GLIS3: variants seen among roughly 807,000 people sequenced by gnomAD.
GLIS3 encodes zinc finger protein GLIS3.
Under a neutral mutation model 78.6 loss-of-function variants are expected in GLIS3, and 53 were observed. The observed-to-expected ratio is 0.67, with a 90% CI of 0.54 to 0.85. The LOEUF is 0.85. GLIS3 is among the 40% of genes least tolerant of loss of function. The pLI, the probability that GLIS3 is intolerant of heterozygous loss-of-function variation, is 0.00. For missense variants in GLIS3, 1,703 were observed against 1,231.1 expected (o/e 1.38, Z -5.74); for synonymous variants, 684 against 509.9 (o/e 1.34, Z -4.60).
intron 4 of GLIS3, among the ~76,000 whole-genome samples, chr9:4,308,343 G>C (rs529867440): frequency 2.0e-5 from 3 of 152,090 alleles, no homozygotes; most frequent in Non-Finnish European, 4.4e-5. Flanking sequence ...CCAGAGGAGA[G>C]GAGGTGAGAA....
At chr9:4,215,901 T>C (rs1368933238) in intron 2 of GLIS3, among the ~76,000 whole-genome samples, 5 of 152,136 alleles carry the variant, frequency 3.3e-5, no homozygotes, top group Non-Finnish European at 4.4e-5. Flanking sequence ...TCAAGCAATA[T>C]AGGGAAAGAC....
At chr9:4,126,019 A>T in intron 2 of GLIS3, 78 bp from the exon 3 acceptor site, 1 of 1,071,268 alleles carries the variant, frequency 9.3e-7, no homozygotes. Flanking sequence ...GCACGCTTAT[A>T]TCAGGACCCA....
the GLIS3 span, among the ~76,000 whole-genome samples, chr9:4,433,419 G>A: frequency 4.4e-4 from 67 of 152,210 alleles, no homozygotes; most frequent in Middle Eastern, 3.4e-3. Context: ...GTGACAGAGC[G>A]AGACTCTGTC....
chr9:3,995,263 C>T (rs565469160), intron 4 of GLIS3, among the ~76,000 whole-genome samples: 1 of 151,984 alleles, frequency 6.6e-6, no homozygotes, highest in East Asian at 1.9e-4. Context: ...TCATGTGGTC[C>T]AAAACACTCA....
intron 1 of GLIS3, among the ~76,000 whole-genome samples, chr9:4,297,473 G>T (rs188607142): frequency 3.3e-5 from 5 of 152,130 alleles, no homozygotes; most frequent in African/African-American, 4.8e-5. Context: ...TGGTCCACTG[G>T]GGGGAGCTGC....
At chr9:4,329,494 T>A (rs1471441824) in intron 2 of GLIS3, among the ~76,000 whole-genome samples, 2 of 152,112 alleles carry the variant, frequency 1.3e-5, no homozygotes, top group African/African-American at 4.8e-5. Context: ...TGGGGGCCTA[T>A]AATAAGACCA....
At chr9:4,039,657 C>T (rs1007679616) in intron 4 of GLIS3, among the ~76,000 whole-genome samples, 1 of 152,196 alleles carries the variant, frequency 6.6e-6, no homozygotes, top group Non-Finnish European at 1.5e-5. Flanking sequence ...TGACCCAGAG[C>T]CTGCCTGGCT....
intron 2 of GLIS3, among the ~76,000 whole-genome samples, chr9:4,242,712 G>T (rs1823432432): frequency 6.6e-6 from 1 of 152,070 alleles, no homozygotes; most frequent in Non-Finnish European, 1.5e-5. Context: ...TAGCTAGTAG[G>T]AACAGAGGTG....
intron 2 of GLIS3, among the ~76,000 whole-genome samples, chr9:4,264,421 G>A (rs1441886864): frequency 6.6e-6 from 1 of 152,118 alleles, no homozygotes; most frequent in African/African-American, 2.4e-5. Context: ...TCTCAATATG[G>A]TAACACGATG....
intron 1 of GLIS3, among the ~76,000 whole-genome samples, chr9:4,290,411 G>C (rs1192175138): frequency 1.4e-4 from 22 of 151,792 alleles, no homozygotes; most frequent in Non-Finnish European, 4.4e-5. Context: ...TTTTCCCTTT[G>C]GGTTCATGAC....
intron 2 of GLIS3, among the ~76,000 whole-genome samples, chr9:4,178,388 C>T (rs1335916315): frequency 6.6e-6 from 1 of 152,066 alleles, no homozygotes; most frequent in Non-Finnish European, 1.5e-5. Context: ...CACTTATGAA[C>T]GGCCTTTAGG....
At chr9:4,215,359 A>C (rs910707496) in intron 2 of GLIS3, among the ~76,000 whole-genome samples, 6 of 151,988 alleles carry the variant, frequency 3.9e-5, no homozygotes, top group Non-Finnish European at 5.9e-5. Context: ...GTGTGTGTAT[A>C]AATACATATG....
chr9:4,189,835 T>C (rs1818163930), intron 2 of GLIS3, among the ~76,000 whole-genome samples: 1 of 152,196 alleles, frequency 6.6e-6, no homozygotes, highest in South Asian at 2.1e-4. Flanking sequence ...TTTTTTTTGT[T>C]TTCCATTTGC....
At chr9:3,840,179 A>G (rs372056035) in intron 9 of GLIS3, among the ~76,000 whole-genome samples, 4 of 152,240 alleles carry the variant, frequency 2.6e-5, no homozygotes, top group East Asian at 1.9e-4. Context: ...AAGTTCAACT[A>G]TGTAACCATG....
At chr9:4,446,133 T>C in the GLIS3 span, among the ~76,000 whole-genome samples, 1 of 152,222 alleles carries the variant, frequency 6.6e-6, no homozygotes, top group East Asian at 1.9e-4. Context: ...GATTTACAGA[T>C]GTTCTGGTCT....
chr9:4,487,147 C>T, the GLIS3 span, among the ~76,000 whole-genome samples: 1 of 151,986 alleles, frequency 6.6e-6, no homozygotes, highest in Non-Finnish European at 1.5e-5. Context: ...TTACAGGCAC[C>T]CGCCACCACG....
chr9:4,343,250 G>A (rs10814944), intron 2 of GLIS3, among the ~76,000 whole-genome samples: 42,539 of 152,020 alleles, frequency 0.28, 6,812 homozygotes, highest in Non-Finnish European at 0.35. Context: ...GCTGAGGTGG[G>A]AAGATTGCTT....
chr9:3,991,686 T>A (rs865844289), intron 4 of GLIS3, among the ~76,000 whole-genome samples: 27,598 of 107,324 alleles, frequency 0.26, 2,794 homozygotes, highest in Admixed American at 0.36. Context: ...TAGGCTGATT[T>A]TTTTTTTTTT....
At chr9:3,874,710 A>C (rs1433226493) in intron 8 of GLIS3, among the ~76,000 whole-genome samples, 2 of 152,210 alleles carry the variant, frequency 1.3e-5, no homozygotes, top group Admixed American at 6.5e-5. Flanking sequence ...AATTGACTGC[A>C]TGCTTAGTGG....
Sources: gnomAD v4.1 joint callset for allele counts (sites outside exome capture counted in the v4.1 genomes callset) on GRCh38, gnomAD v4.1.1 for gene constraint, MANE v1.5 for transcripts, NCBI Gene and HGNC (gene_info 2026-07-23, HGNC 2026-07-21) for gene names.